The following TMEM40 variants were observed in gnomAD, a reference collection of about 807,000 sequenced individuals.
The protein encoded by TMEM40 is transmembrane protein 40.
Under a neutral mutation model 40.8 loss-of-function variants are expected in TMEM40, and 34 were observed. That is an observed-to-expected ratio of 0.83 (90% confidence interval 0.63 to 1.11). The LOEUF (loss-of-function observed/expected upper bound fraction) is 1.11. Among genes scored for constraint, TMEM40 ranks in the 50% least tolerant of loss-of-function variants. The probability of loss-of-function intolerance (pLI) is 0.00; values close to 1 mark genes in which losing one functional copy is unlikely to be tolerated. For missense variants in TMEM40, 296 were observed against 280.2 expected (o/e 1.06, Z -0.40); for synonymous variants, 106 against 107.0 (o/e 0.99, Z 0.06).
Position 12,742,512 on chromosome 3 carries a change from A to G in TMEM40, c.302-5T>C. Reference sequence around the variant, plus strand: ...CAGGCTCCCCATGCCCAGGACCTGGATGGAGACAAACCCCTTAGTCAGCAC... The same window carrying G: ...CAGGCTCCCCATGCCCAGGACCTGGGTGGAGACAAACCCCTTAGTCAGCAC... On this transcript the variant is annotated splice_region_variant and splice_polypyrimidine_tract_variant and intron_variant, in intron 4 of 11. Transcript: ENST00000314124. 1 of 1,613,886 alleles carries G rather than the reference A, an allele frequency of 6.2e-7. No homozygotes were observed. Among genetic ancestry groups the G allele is most frequent in the Non-Finnish European group, 8.5e-7 (1 of 1,179,896 alleles).
intron 5 of TMEM40, among the ~76,000 whole-genome samples, chr3:12,740,511 C>T (rs2061373777): frequency 1.4e-5 from 2 of 142,162 alleles, no homozygotes; most frequent in South Asian, 2.2e-4. Flanking sequence ...ACCATCCTGG[C>T]TAACACGGTG....
intron 8 of TMEM40, 112 bp downstream of exon 8, chr3:12,737,595 C>A (rs2106605837): frequency 1.1e-6 from 1 of 945,802 alleles, no homozygotes; most frequent in South Asian, 1.4e-5. Flanking sequence ...AACTGCAGGG[C>A]ACACGACAGA....
chr3:12,765,234 T>G (rs1302920782), intron 1 of TMEM40, among the ~76,000 whole-genome samples: 1 of 152,222 alleles, frequency 6.6e-6, no homozygotes, highest in Non-Finnish European at 1.5e-5. Context: ...TGTGCAAAAC[T>G]AGTGATTTGT....
At chr3:12,743,779 G>A in intron 4 of TMEM40, 121 bp downstream of exon 4, 1 of 907,974 alleles carries the variant, frequency 1.1e-6, no homozygotes, top group South Asian at 1.8e-5. Context: ...GCTGCTGTCA[G>A]GCTATTTCCT....
intron 1 of TMEM40, among the ~76,000 whole-genome samples, chr3:12,755,298 C>G (rs2061519087): frequency 9.4e-6 from 1 of 106,052 alleles, no homozygotes; most frequent in South Asian, 2.9e-4. Context: ...TTTCTAGAGA[C>G]AGGGTCTCAC....
At chr3:12,737,656 A>G in intron 8 of TMEM40, 51 bp downstream of exon 8, 3 of 1,581,910 alleles carry the variant, frequency 1.9e-6, no homozygotes, top group Non-Finnish European at 2.6e-6. Context: ...TTTCACCCCT[A>G]GAAATCTAGC....
chr3:12,755,209 T>TTCTC (rs1326882956), intron 1 of TMEM40, among the ~76,000 whole-genome samples: 1,024 of 77,040 alleles, frequency 0.013, 5 homozygotes, highest in Middle Eastern at 0.022. Flanking sequence ...CTTTCTTTCT[T>TTCTC]TCTTTCTCTC....
chr3:12,742,499 G>A lies in TMEM40; in HGVS notation c.310C>T (p.His104Tyr). 6.2e-7 allele frequency: 1 copy of A among 1,613,886 alleles called. No individual in the cohort carries two copies. Among genetic ancestry groups the A allele is most frequent in the Non-Finnish European group, 8.5e-7 (1 of 1,179,908 alleles). The change falls in exon 5 of 12, where the codon CAT (histidine) becomes TAT (tyrosine). Residue 104 changes from histidine to tyrosine, a missense_variant. His to Tyr is a moderately conservative substitution (Grantham distance 83). Transcript: ENST00000314124. ...TCCTTCAAAACGTCAGGCTCCCCAT[G>A]CCCAGGACCTGGATGGAGACAAACC... ...PHGNGSPGPG[H>Y]GEPDVLKDEL...
intron 1 of TMEM40, among the ~76,000 whole-genome samples, chr3:12,755,912 G>C (rs1006191865): frequency 1.3e-5 from 2 of 152,172 alleles, no homozygotes; most frequent in African/African-American, 2.4e-5. Flanking sequence ...TTGTTGACAA[G>C]TGACTTCAAA....
chr3:12,746,070 G>T (rs1322123926), intron 3 of TMEM40, among the ~76,000 whole-genome samples: 6 of 151,556 alleles, frequency 4.0e-5, no homozygotes, highest in Admixed American at 1.3e-4. Context: ...GCTAATTTTT[G>T]TATTTTTATT....
At chr3:12,742,662 C>T in intron 4 of TMEM40, 155 bp from the exon 5 acceptor site, 1 of 780,596 alleles carries the variant, frequency 1.3e-6, no homozygotes, top group Non-Finnish European at 2.0e-6. Flanking sequence ...GCACAAGTAC[C>T]TTCCCTTTGC....
intron 1 of TMEM40, among the ~76,000 whole-genome samples, chr3:12,767,043 GAC>G (rs1337064882): frequency 6.6e-6 from 1 of 152,190 alleles, no homozygotes; most frequent in East Asian, 1.9e-4. Context: ...CTCCAAAAAG[GAC>G]CCTATGTCCA....
upstream of TMEM40, among the ~76,000 whole-genome samples, chr3:12,762,240 G>A (rs2061572106): frequency 6.6e-6 from 1 of 152,164 alleles, no homozygotes; most frequent in African/African-American, 2.4e-5. Flanking sequence ...AAAGTGCTGG[G>A]ATTTATAGGC....
intron 2 of TMEM40, 69 bp downstream of exon 2, chr3:12,749,691 T>C: frequency 1.4e-6 from 2 of 1,431,318 alleles, no homozygotes; most frequent in Non-Finnish European, 1.9e-6. Flanking sequence ...GGTCTTCTTC[T>C]GTCCCTTCTA....
At chr3:12,763,603 C>T (rs1401525860), upstream of TMEM40, among the ~76,000 whole-genome samples, 1 of 152,210 alleles carries the variant, frequency 6.6e-6, no homozygotes, top group Non-Finnish European at 1.5e-5. Flanking sequence ...CTGCCTGACT[C>T]AGCAGGCATG....
chr3:12,750,002 G>C (rs566630238), intron 1 of TMEM40, among the ~76,000 whole-genome samples, 162 bp from the exon 2 acceptor site: 463 of 152,296 alleles, frequency 3.0e-3, no homozygotes, highest in Non-Finnish European at 5.9e-3. Flanking sequence ...AAGCAAGAAG[G>C]CCGGGGTAGT....
chr3:12,768,114 TC>T (rs1190670616), intron 1 of TMEM40, among the ~76,000 whole-genome samples: 1 of 152,156 alleles, frequency 6.6e-6, no homozygotes, highest in Non-Finnish European at 1.5e-5. Flanking sequence ...GTTCACGGTC[TC>T]GCTGGCTCAG....
chr3:12,768,444 G>C (rs767848010), intron 1 of TMEM40, among the ~76,000 whole-genome samples: 1 of 152,164 alleles, frequency 6.6e-6, no homozygotes, highest in Non-Finnish European at 1.5e-5. Flanking sequence ...TTTTGACAGG[G>C]TGCTGATTGG....
intron 1 of TMEM40, chr3:12,769,221 C>G (rs1394276150): frequency 1.0e-5 from 4 of 392,020 alleles, no homozygotes; most frequent in East Asian, 1.7e-4. Flanking sequence ...CGTGCAGCCC[C>G]GGTTCCCGCC....
Sources: allele counts gnomAD v4.1 joint callset (sites outside exome capture counted in the v4.1 genomes callset), GRCh38; gene constraint gnomAD v4.1.1; transcripts MANE v1.5; gene names NCBI Gene and HGNC (gene_info 2026-07-23, HGNC 2026-07-21).